The following FAM76A variants were observed in gnomAD, a reference collection of about 807,000 sequenced individuals.
FAM76A encodes the protein protein FAM76A.
A neutral mutation model predicts 46.2 loss-of-function variants in FAM76A; 32 were observed. The observed-to-expected ratio is 0.69, with a 90% CI of 0.52 to 0.93. The LOEUF (loss-of-function observed/expected upper bound fraction) is 0.93, where lower values mean the gene tolerates loss of function less well. FAM76A is among the 40% of genes least tolerant of loss of function. The pLI, the probability that FAM76A is intolerant of heterozygous loss-of-function variation, is 0.00. For synonymous variants in FAM76A, 137 were observed against 127.0 expected, an observed-to-expected ratio of 1.08 and a Z score of -0.53; for missense variants, 274 against 361.5, an observed-to-expected ratio of 0.76 and a Z score of 1.96.
chr1:27,759,765 G>GGTTTTTTTTTTTT lies in FAM76A; in HGVS notation c.837+150_837+162dup, dbSNP rs1169822539. 2.2e-3 allele frequency: 1,335 copies of GGTTTTTTTTTTTT among 611,740 alleles called. 40 individuals carry two copies. In the African/African-American group the frequency reaches 0.039, roughly 18 times the overall value. The allele number at this position is 611,740 out of a possible 1,614,324, so 37.9% of individuals were successfully genotyped here. On this transcript the variant is annotated intron_variant, in intron 8 of 8. Coordinates refer to ENST00000373954, the MANE Select transcript of FAM76A (RefSeq NM_152660.3). ...ACAAATCATGTTAATCCCCCTTTTA[G>GGTTTTTTTTTTTT]GTTTTTTTTTTTTGTTTTTTTTTTG...
intron 7 of FAM76A, among the ~76,000 whole-genome samples, chr1:27,757,465 T>G (rs2088430851): frequency 6.6e-6 from 1 of 152,096 alleles, no homozygotes; most frequent in Non-Finnish European, 1.5e-5. Flanking sequence ...CTCCCTGGGT[T>G]CAAGTGATTC....
intron 1 of FAM76A, 89 bp downstream of exon 1, chr1:27,726,250 C>T: frequency 8.7e-7 from 1 of 1,150,046 alleles, no homozygotes; most frequent in Non-Finnish European, 1.1e-6. Context: ...CGGCGGGGTC[C>T]CCGGAGCAGG....
chr1:27,744,211 C>T (rs774113261), intron 4 of FAM76A, among the ~76,000 whole-genome samples: 20 of 152,142 alleles, frequency 1.3e-4, no homozygotes, highest in Non-Finnish European at 2.5e-4. Flanking sequence ...TCACCACAAC[C>T]TCCGCCTCCT....
chr1:27,738,207 A>C (rs1356811473), intron 4 of FAM76A, among the ~76,000 whole-genome samples: 1 of 151,948 alleles, frequency 6.6e-6, no homozygotes, highest in Non-Finnish European at 1.5e-5. Context: ...AAAAATAATA[A>C]TAGGCCAGGC....
chr1:27,726,509 C>T (rs138463830), intron 1 of FAM76A, among the ~76,000 whole-genome samples: 346 of 152,360 alleles, frequency 2.3e-3, no homozygotes, highest in African/African-American at 7.9e-3. Context: ...TGGTGGGGAC[C>T]TCCTGCCCCT....
intron 4 of FAM76A, among the ~76,000 whole-genome samples, chr1:27,739,724 G>C (rs759943879): frequency 6.6e-6 from 1 of 152,184 alleles, no homozygotes; most frequent in Non-Finnish European, 1.5e-5. Flanking sequence ...GGAAGTCGAG[G>C]CTGCAGTGAG....
intron 4 of FAM76A, among the ~76,000 whole-genome samples, chr1:27,737,865 C>CAACAACAACAAAAAAAAAAAAAAAA (rs2088076700): frequency 2.9e-5 from 1 of 34,244 alleles, no homozygotes; most frequent in Non-Finnish European, 6.6e-5. Flanking sequence ...ACAACAACAA[C>CAACAACAACAAAAAAAAAAAAAAAA]AACAAAAAAA....
intron 4 of FAM76A, among the ~76,000 whole-genome samples, chr1:27,739,607 C>T (rs1271827270): frequency 6.6e-6 from 1 of 151,924 alleles, no homozygotes; most frequent in African/African-American, 2.4e-5. Context: ...GACAACATGG[C>T]AAAAGCCCGT....
intron 4 of FAM76A, among the ~76,000 whole-genome samples, chr1:27,737,882 A>C (rs1016191681): frequency 9.4e-5 from 14 of 149,182 alleles, no homozygotes; most frequent in African/African-American, 1.7e-4. Context: ...AAAAAAAAAA[A>C]AAAAAAAAAA....
rs996715244 is a variant in FAM76A, at chr1:27,749,209, G to A, written c.599+55G>A. The stretch of plus-strand genomic sequence containing the variant: ...CATTTGAAATGCATACACAGTTCCT[G>A]AAACAGGAATACATTTAGGGTCTGC... On this transcript the variant is annotated intron_variant, in intron 6 of 8. Transcript: ENST00000373954. The A allele has an allele frequency of 2.4e-6, 3 of 1,224,648 alleles. No homozygotes were observed. The East Asian group carries it at 7.5e-5, about 31-fold the overall frequency. The allele number at this position is 1,224,648 out of a possible 1,614,324, so 75.9% of individuals were successfully genotyped here.
intron 2 of FAM76A, 44 bp downstream of exon 2, chr1:27,727,580 C>A: frequency 6.9e-7 from 1 of 1,449,096 alleles, no homozygotes; most frequent in Non-Finnish European, 9.7e-7. Context: ...GGCTTTTTTC[C>A]TCTTAAAATC....
intron 6 of FAM76A, among the ~76,000 whole-genome samples, 167 bp downstream of exon 6, chr1:27,749,321 TAAG>T (rs2088296798): frequency 6.6e-6 from 1 of 152,240 alleles, no homozygotes; most frequent in African/African-American, 2.4e-5. Context: ...CATTAAAAGA[TAAG>T]AACTCATAAC....
intron 4 of FAM76A, chr1:27,739,449 A>G (rs1468201612): frequency 2.1e-6 from 1 of 470,130 alleles, no homozygotes. Context: ...AGATTTGATG[A>G]TGGCAATTAT....
intron 4 of FAM76A, among the ~76,000 whole-genome samples, chr1:27,743,266 T>C (rs2088185222): frequency 6.6e-6 from 1 of 152,080 alleles, no homozygotes; most frequent in Non-Finnish European, 1.5e-5. Context: ...TTCTCCCACC[T>C]CAGCCTCCCT....
chr1:27,726,086 G>C lies in FAM76A; in HGVS notation c.6G>C (p.Ala2=). The C allele has an allele frequency of 7.9e-7, 1 of 1,269,068 alleles. No individual in the cohort carries two copies. Among genetic ancestry groups the C allele is most frequent in the South Asian group, 2.7e-5 (1 of 37,146 alleles). 78.6% of individuals were successfully genotyped at this position (1,269,068 alleles called of 1,614,324 possible). A position where few individuals can be genotyped will look rare whatever the true frequency, so the allele number is the denominator to read the frequency against. The change falls in exon 1 of 9, where the codon GCG becomes GCC. Residue 2 remains alanine (A), a synonymous_variant. Coordinates refer to ENST00000373954, the MANE Select transcript of FAM76A (RefSeq NM_152660.3). ...GAGCGCGGCCCGGGCCGGACATGGC[G>C]GCGCTCTACGCCTGCACCAAGTGCC... M[A]ALYACTKCHQ... is the part of the protein sequence containing the mutation.
At chr1:27,757,976 C>CAA (rs71716143) in intron 7 of FAM76A, among the ~76,000 whole-genome samples, 7 of 118,452 alleles carry the variant, frequency 5.9e-5, no homozygotes, top group East Asian at 4.6e-4. Context: ...GACTCCATCT[C>CAA]AAAAAAAAAA....
chr1:27,751,780 G>A (rs1184346053), intron 6 of FAM76A, among the ~76,000 whole-genome samples: 2 of 151,736 alleles, frequency 1.3e-5, no homozygotes, highest in East Asian at 1.9e-4. Context: ...GGGATTACAG[G>A]AATGAGCCAC....
At chr1:27,749,265 C>T in intron 6 of FAM76A, 111 bp downstream of exon 6, 1 of 604,606 alleles carries the variant, frequency 1.7e-6, no homozygotes, top group African/African-American at 1.9e-5. Flanking sequence ...GTCAGTGAAT[C>T]TTATAAGTAA....
chr1:27,726,523 G>A (rs2087863700), intron 1 of FAM76A, among the ~76,000 whole-genome samples: 1 of 152,218 alleles, frequency 6.6e-6, no homozygotes, highest in Non-Finnish European at 1.5e-5. Flanking sequence ...TGCCCCTCCT[G>A]GGACTGAACT....
Sources: gnomAD v4.1 joint callset for allele counts (sites outside exome capture counted in the v4.1 genomes callset) on GRCh38, gnomAD v4.1.1 for gene constraint, MANE v1.5 for transcripts, NCBI Gene and HGNC (gene_info 2026-07-23, HGNC 2026-07-21) for gene names.